ZER1: variants seen among roughly 807,000 people sequenced by gnomAD.
ZER1 encodes protein zer-1 homolog.
A neutral mutation model predicts 78.8 loss-of-function variants in ZER1; 11 were observed. The ratio of observed to expected loss-of-function variants is 0.14; its 90% CI spans 0.09 to 0.23. ZER1 has a LOEUF of 0.23. Among genes scored for constraint, ZER1 ranks in the 10% least tolerant of loss-of-function variants. The probability of loss-of-function intolerance (pLI) is 1.00; values close to 1 mark genes in which losing one functional copy is unlikely to be tolerated. For missense variants in ZER1, 588 were observed against 996.9 expected (o/e 0.59, Z 5.52); for synonymous variants, 400 against 407.0 (o/e 0.98, Z 0.21).
At position 128,751,786 on chromosome 9, in the gene ZER1, C is replaced by T. The variant is rs919684422; in HGVS notation, c.924-259G>A. On this transcript the variant is annotated intron_variant, in intron 5 of 15. Transcript: ENST00000291900. This position sits in a 1 kb window ranked among gnomAD's most constrained non-coding sequence, Gnocchi z 5.4. The stretch of plus-strand genomic sequence containing the variant: ...ACCTGCCATTCTAGTAAGGACATGG[C>T]ACCTTTAGGTCTCACCAACAATCAC... Among the ~76,000 whole-genome samples the T allele has an allele frequency of 6.6e-6, 1 of 152,220 alleles. No homozygotes were observed. The highest frequency in any genetic ancestry group is 2.4e-5 in the African/African-American group (1 of 41,460).
intron 8 of ZER1, among the ~76,000 whole-genome samples, chr9:128,748,997 C>T (rs1471187501): frequency 1.9e-4 from 29 of 149,598 alleles, no homozygotes; most frequent in African/African-American, 6.4e-4. Context: ...TGAGCCACCA[C>T]GCCCAGCCTG....
Position 128,753,998 on chromosome 9 carries a change from G to A in ZER1, c.159-39C>T. The A allele has an allele frequency of 1.3e-6, 2 of 1,559,450 alleles. No individual in the cohort carries two copies. The highest frequency in any genetic ancestry group is 1.2e-5 in the South Asian group (1 of 84,604). ...AAGCCTGGCTCAGGAGAGGGCCACA[G>A]GGACTCTCATCCTCGCTTCAAAGCC... is the stretch of plus-strand genomic sequence containing the variant. On this transcript the variant is annotated intron_variant, in intron 2 of 15. Transcript: ENST00000291900. This position sits in a 1 kb window ranked among gnomAD's most constrained non-coding sequence, Gnocchi z 7.5.
intron 1 of ZER1, among the ~76,000 whole-genome samples, chr9:128,756,378 GA>G (rs2063099181): frequency 6.6e-6 from 1 of 152,096 alleles, no homozygotes; most frequent in Non-Finnish European, 1.5e-5. Flanking sequence ...GCGGTGAGCC[GA>G]CACCCTGCCA....
chr9:128,759,771 G>C (rs1169033851), intron 1 of ZER1, among the ~76,000 whole-genome samples: 2 of 152,004 alleles, frequency 1.3e-5, no homozygotes, highest in African/African-American at 4.8e-5. Flanking sequence ...CTCCAGTCTG[G>C]GCAACAGAGC....
At chr9:128,757,176 A>G (rs1034560187) in intron 1 of ZER1, among the ~76,000 whole-genome samples, 3 of 152,158 alleles carry the variant, frequency 2.0e-5, no homozygotes, top group Non-Finnish European at 1.5e-5. Context: ...AAGAGAAAAA[A>G]ACTGATAAAT....
At chr9:128,760,933 G>GCGAATC (rs1240244611) in intron 1 of ZER1, among the ~76,000 whole-genome samples, 1 of 152,014 alleles carries the variant, frequency 6.6e-6, no homozygotes, top group Non-Finnish European at 1.5e-5. Context: ...GCCGAGGCAG[G>GCGAATC]CGAATCATGA....
intron 1 of ZER1, among the ~76,000 whole-genome samples, chr9:128,759,538 G>C (rs1863975078): frequency 1.3e-5 from 2 of 151,928 alleles, no homozygotes; most frequent in Non-Finnish European, 2.9e-5. Flanking sequence ...GCTCACGCCT[G>C]TAATCCCAGC....
intron 8 of ZER1, among the ~76,000 whole-genome samples, chr9:128,743,812 C>A (rs1863388575): frequency 6.6e-6 from 1 of 151,764 alleles, no homozygotes; most frequent in South Asian, 2.1e-4. Flanking sequence ...CTCACTGCAA[C>A]CTCCCCCTCC....
Position 128,766,919 on chromosome 9 carries a change from CTTAT to C in ZER1, c.-95+4658_-95+4661del, listed in dbSNP as rs71381802. 3.2e-3 allele frequency among the ~76,000 whole-genome samples: 445 copies of C among 137,930 alleles called. 9 individuals carry two copies. In the East Asian group the frequency reaches 0.034, roughly 10 times the overall value. The allele number at this position is 137,930 out of a possible 152,430, so 90.5% of individuals were successfully genotyped here. A position where few individuals can be genotyped will look rare whatever the true frequency, so the allele number is the denominator to read the frequency against. ...CAGTTCGCATCAAAGTCACAGATAACTTATTTATTTATTTATTTATTTTTCTTTC... is the reference window on the plus strand; with the variant it reads ...CAGTTCGCATCAAAGTCACAGATAACTTATTTATTTATTTATTTTTCTTTC... On this transcript the variant is annotated intron_variant, in intron 1 of 15. Transcript: ENST00000291900.
At chr9:128,763,494 G>A (rs1487673054) in intron 1 of ZER1, among the ~76,000 whole-genome samples, 2 of 152,354 alleles carry the variant, frequency 1.3e-5, no homozygotes, top group South Asian at 2.1e-4. Flanking sequence ...AGCACTGGGG[G>A]TCCTTGGTGA....
In ZER1 at chr9:128,751,672, G is replaced by A. The variant is rs1863683893; in HGVS notation, c.924-145C>T. On this transcript the variant is annotated intron_variant, in intron 5 of 15. Transcript: ENST00000291900. The surrounding 1 kb of genome is among the most constrained non-coding windows in gnomAD (Gnocchi z 5.4). ...ACTCCTTTTGTTTTTAATGGTAGGG[G>A]ACATAAGCACCACCTCCTGATGGAA... 1.5e-6 allele frequency: 1 copy of A among 667,184 alleles called. No homozygotes were observed. Among genetic ancestry groups the A allele is most frequent in the African/African-American group, 1.8e-5 (1 of 55,424 alleles). 41.3% of individuals were successfully genotyped at this position (667,184 alleles called of 1,614,324 possible). A position where few individuals can be genotyped will look rare whatever the true frequency, so the allele number is the denominator to read the frequency against.
chr9:128,753,164 C>T lies in ZER1; in HGVS notation c.746G>A (p.Arg249Gln), dbSNP rs1863738756. ...IRVIVQLHKL[R>Q]HLDISRDRLS... ...GGTGAGCTCTGGGCCAGGAGCTCAC[C>T]GCAGCTTGTGCAGCTGCACGATGAC... Residue 249 changes from arginine (R) to glutamine (Q), a missense_variant and splice_region_variant, in exon 4 of 16, where the codon CGA (arginine) becomes CAA (glutamine). Arg to Gln is a conservative substitution (Grantham distance 43, BLOSUM62 1). Transcript: ENST00000291900. This position sits in a 1 kb window ranked among gnomAD's most constrained non-coding sequence, Gnocchi z 7.5. 3.9e-6 allele frequency: 6 copies of T among 1,533,540 alleles called. No homozygotes were observed. Among genetic ancestry groups the T allele is most frequent in the Admixed American group, 2.0e-5 (1 of 50,502 alleles). 95.0% of individuals were successfully genotyped at this position (1,533,540 alleles called of 1,614,324 possible). A position where few individuals can be genotyped will look rare whatever the true frequency, so the allele number is the denominator to read the frequency against.
intron 1 of ZER1, among the ~76,000 whole-genome samples, chr9:128,765,441 A>G (rs1864178464): frequency 1.3e-5 from 2 of 152,230 alleles, no homozygotes; most frequent in African/African-American, 4.8e-5. Context: ...CTTGCCTGAG[A>G]TCACAAAACT....
At chr9:128,748,882 T>C (rs1465428040) in intron 8 of ZER1, among the ~76,000 whole-genome samples, 1 of 149,462 alleles carries the variant, frequency 6.7e-6, no homozygotes, top group Non-Finnish European at 1.5e-5. Flanking sequence ...AATTTTTGTA[T>C]TTTTTAGTAG....
intron 1 of ZER1, among the ~76,000 whole-genome samples, chr9:128,761,215 C>T (rs1490551461): frequency 6.6e-6 from 1 of 151,388 alleles, no homozygotes; most frequent in Non-Finnish European, 1.5e-5. Flanking sequence ...GGCTGTGGTA[C>T]TAAATGAGAT....
intron 15 of ZER1, among the ~76,000 whole-genome samples, chr9:128,731,977 G>A (rs1449536741): frequency 6.6e-6 from 1 of 152,250 alleles, no homozygotes; most frequent in Non-Finnish European, 1.5e-5. Flanking sequence ...ACTGTTGGTT[G>A]TCACCTTGGA....
At chr9:128,760,206 G>C (rs1247148648) in intron 1 of ZER1, among the ~76,000 whole-genome samples, 1 of 151,032 alleles carries the variant, frequency 6.6e-6, no homozygotes, top group Non-Finnish European at 1.5e-5. Context: ...CTTCATAAAA[G>C]TTTTTTATTT....
intron 1 of ZER1, among the ~76,000 whole-genome samples, chr9:128,764,508 C>T (rs1447457298): frequency 6.6e-6 from 1 of 152,160 alleles, no homozygotes; most frequent in Non-Finnish European, 1.5e-5. Context: ...TCACGGTCAC[C>T]AAAAGCCCCC....
chr9:128,753,133 C>A lies in ZER1; in HGVS notation c.746+31G>T, dbSNP rs1477765486. Reference sequence around the variant, plus strand: ...TCCTCCCCACCTGCCCCCCAAACCCCACCCTGGTGAGCTCTGGGCCAGGAG... The same window carrying A: ...TCCTCCCCACCTGCCCCCCAAACCCAACCCTGGTGAGCTCTGGGCCAGGAG... On this transcript the variant is annotated intron_variant, in intron 4 of 15. Coordinates refer to ENST00000291900, the MANE Select transcript of ZER1 (RefSeq NM_006336.4). The surrounding 1 kb of genome is among the most constrained non-coding windows in gnomAD (Gnocchi z 7.5). 3 of 1,500,340 alleles carry A rather than the reference C, an allele frequency of 2.0e-6. No individual in the cohort carries two copies. The Admixed American group carries it at 6.4e-5, about 32-fold the overall frequency. The allele number at this position is 1,500,340 out of a possible 1,614,324, so 92.9% of individuals were successfully genotyped here.
Sources: allele counts gnomAD v4.1 joint callset (sites outside exome capture counted in the v4.1 genomes callset), GRCh38; gene constraint gnomAD v4.1.1; non-coding constraint Gnocchi (gnomAD v3.1); transcripts MANE v1.5; gene names NCBI Gene and HGNC (gene_info 2026-07-23, HGNC 2026-07-21).